EXOC5: variants seen among roughly 807,000 people sequenced by gnomAD.
EXOC5 encodes exocyst complex component 5.
Under a neutral mutation model 90.8 loss-of-function variants are expected in EXOC5, and 17 were observed. That is an observed-to-expected ratio of 0.19 (90% CI 0.13 to 0.28). The LOEUF (loss-of-function observed/expected upper bound fraction) is 0.28. EXOC5 is among the 10% of genes least tolerant of loss of function. EXOC5 has a pLI of 1.00. For synonymous variants in EXOC5, 260 were observed against 270.0 expected (o/e 0.96, Z 0.36); for missense variants, 569 against 830.6 (o/e 0.69, Z 3.87).
Position 57,237,330 on chromosome 14 carries a change from T to TCACTTA in EXOC5, c.559+2_559+7dup. The TCACTTA allele has an allele frequency of 1.4e-6, 2 of 1,417,502 alleles. No individual in the cohort carries two copies. Among genetic ancestry groups the TCACTTA allele is most frequent in the Non-Finnish European group, 1.9e-6 (2 of 1,027,474 alleles). 87.8% of individuals were successfully genotyped at this position (1,417,502 alleles called of 1,614,324 possible). A position where few individuals can be genotyped will look rare whatever the true frequency, so the allele number is the denominator to read the frequency against. On this transcript the variant is annotated splice_region_variant and intron_variant, in intron 6 of 17. Coordinates refer to ENST00000621441, the MANE Select transcript of EXOC5 (RefSeq NM_006544.4). Reference sequence around the variant, plus strand: ...TTAAAAAAAAGGTAAAATAAATACATCACTTACTTGCAATTTTGGATTTAA... The same window carrying TCACTTA: ...TTAAAAAAAAGGTAAAATAAATACATCACTTACACTTACTTGCAATTTTGGATTTAA...
At chr14:57,233,447 G>A (rs762009578) in intron 9 of EXOC5, among the ~76,000 whole-genome samples, 4 of 151,080 alleles carry the variant, frequency 2.6e-5, no homozygotes, top group Non-Finnish European at 4.4e-5. Flanking sequence ...GTGAAGGCAG[G>A]GACCAAAAAA....
chr14:57,236,862 C>T (rs544690189), intron 6 of EXOC5, among the ~76,000 whole-genome samples: 2 of 150,924 alleles, frequency 1.3e-5, no homozygotes. Flanking sequence ...AAGAACCAAA[C>T]TAATCATGTA....
rs138867006 is a variant in EXOC5, at chr14:57,206,193, G to A, written c.*2416C>T. The A allele has an allele frequency of 2.5e-4, 74 of 296,584 alleles. No individual in the cohort carries two copies. The East Asian group carries it at 6.0e-3, about 24-fold the overall frequency. The allele number at this position is 296,584 out of a possible 1,614,324, so 18.4% of individuals were successfully genotyped here. On this transcript the variant is annotated 3_prime_UTR_variant, in exon 18 of 18. Coordinates refer to ENST00000621441, the MANE Select transcript of EXOC5 (RefSeq NM_006544.4). ...AAAGACCGTACTTACGTAAATGTTG[G>A]TTAAAGTTACCAATTATACAAAGCT...
intron 1 of EXOC5, among the ~76,000 whole-genome samples, chr14:57,258,126 A>G (rs8021149): frequency 0.67 from 102,597 of 152,108 alleles, 36,555 homozygotes; most frequent in African/African-American, 0.92. Context: ...TGTCATTGTG[A>G]GAGACAGTGT....
chr14:57,251,789 A>T (rs528980990), intron 1 of EXOC5, among the ~76,000 whole-genome samples: 34 of 152,218 alleles, frequency 2.2e-4, no homozygotes, highest in Non-Finnish European at 4.4e-4. Flanking sequence ...CGAAAAGATC[A>T]ACAAAATTGA....
chr14:57,262,538 ATGTG>A (rs55879618), intron 1 of EXOC5, among the ~76,000 whole-genome samples: 22,477 of 143,700 alleles, frequency 0.16, 3,215 homozygotes, highest in African/African-American at 0.39. Flanking sequence ...GTAAATACAT[ATGTG>A]TGTGTGTGTG....
Position 57,202,473 on chromosome 14 carries a change from G to T in EXOC5, c.*6136C>A, listed in dbSNP as rs1263296110. 1 of 152,098 alleles carries T rather than the reference G, an allele frequency of 6.6e-6. No individual in the cohort carries two copies. Among genetic ancestry groups the T allele is most frequent in the African/African-American group, 2.4e-5 (1 of 41,412 alleles). 9.4% of individuals were successfully genotyped at this position (152,098 alleles called of 1,614,324 possible). On this transcript the variant is annotated 3_prime_UTR_variant, in exon 18 of 18. Coordinates refer to ENST00000621441, the MANE Select transcript of EXOC5 (RefSeq NM_006544.4). ...GAGGGTGGTGCAGCATCATGACAGC[G>T]ACTTATTCTCAAAAGGGAAAAATTT...
intron 1 of EXOC5, among the ~76,000 whole-genome samples, chr14:57,248,290 T>C (rs922490185): frequency 2.0e-5 from 3 of 151,926 alleles, no homozygotes; most frequent in South Asian, 2.1e-4. Flanking sequence ...GAAAAGCATA[T>C]ATGAATGCAA....
chr14:57,255,737 TAGG>T (rs111766878), intron 1 of EXOC5, among the ~76,000 whole-genome samples: 2 of 150,484 alleles, frequency 1.3e-5, no homozygotes, highest in Non-Finnish European at 2.9e-5. Context: ...GAAGCTGAGG[TAGG>T]AGAATTGCTT....
intron 5 of EXOC5, among the ~76,000 whole-genome samples, chr14:57,238,868 T>C (rs1883764216): frequency 6.6e-6 from 1 of 152,082 alleles, no homozygotes; most frequent in Non-Finnish European, 1.5e-5. Context: ...TCATTTATAA[T>C]ATATTAAATC....
chr14:57,242,851 C>T (rs1051342876), intron 4 of EXOC5, among the ~76,000 whole-genome samples: 1 of 152,122 alleles, frequency 6.6e-6, no homozygotes, highest in African/African-American at 2.4e-5. Flanking sequence ...AACCTAAGTG[C>T]CCATCAACCA....
rs145761911 is a variant in EXOC5 at position 57,225,667 on chromosome 14, C to G, written c.1297-3251G>C. Among the ~76,000 whole-genome samples the G allele has an allele frequency of 7.9e-5, 12 of 151,348 alleles. No homozygotes were observed. In the East Asian group the frequency reaches 2.3e-3, roughly 29 times the overall value. ...GGTCTGAACCCAAAAGTATCTGAGA[C>G]AAGTCTCAATCAATTTGGAAAGTTT... On this transcript the variant is annotated intron_variant, in intron 12 of 17. Coordinates refer to ENST00000621441, the MANE Select transcript of EXOC5 (RefSeq NM_006544.4).
rs531156508 is a variant in EXOC5, at chr14:57,255,725, G to A, written c.28-8013C>T. Among the ~76,000 whole-genome samples the A allele has an allele frequency of 1.2e-4, 19 of 152,100 alleles. No homozygotes were observed. The South Asian group carries it at 3.9e-3, about 32-fold the overall frequency. On this transcript the variant is annotated intron_variant, in intron 1 of 17. Transcript: ENST00000621441. ...TGGGCACCTGTAGTCCTAGCTACTCGGGAAGCTGAGGTAGGAGAATTGCTT... is the reference window on the plus strand; with the variant it reads ...TGGGCACCTGTAGTCCTAGCTACTCAGGAAGCTGAGGTAGGAGAATTGCTT...
chr14:57,238,184 T>G (rs1164125761), intron 5 of EXOC5, among the ~76,000 whole-genome samples: 2 of 148,636 alleles, frequency 1.3e-5, no homozygotes, highest in African/African-American at 4.9e-5. Flanking sequence ...GTGAAAAAAT[T>G]GAATCTATTT....
chr14:57,226,611 C>T (rs1164291632), intron 12 of EXOC5, among the ~76,000 whole-genome samples: 1 of 152,056 alleles, frequency 6.6e-6, no homozygotes, highest in East Asian at 1.9e-4. Flanking sequence ...TATAAAGTTA[C>T]AGCAATCAAG....
rs893060404 is a variant in EXOC5 at position 57,202,082 on chromosome 14, T to A, written c.*6527A>T. 1 of 151,990 alleles carries A rather than the reference T, an allele frequency of 6.6e-6. No individual in the cohort carries two copies. The highest frequency in any genetic ancestry group is 2.4e-5 in the African/African-American group (1 of 41,404). The allele number at this position is 151,990 out of a possible 1,614,324, so 9.4% of individuals were successfully genotyped here. A position where few individuals can be genotyped will look rare whatever the true frequency, so the allele number is the denominator to read the frequency against. On this transcript the variant is annotated 3_prime_UTR_variant, in exon 18 of 18. Transcript: ENST00000621441. The stretch of plus-strand genomic sequence containing the variant: ...TGTACTATGTGATAGGATGCAACAA[T>A]AACACAGAGTTGCATCCGTGGTATG...
chr14:57,236,184 C>CTA (rs1246463082), intron 6 of EXOC5, among the ~76,000 whole-genome samples: 1 of 151,976 alleles, frequency 6.6e-6, no homozygotes, highest in Non-Finnish European at 1.5e-5. Context: ...CTACAGAACT[C>CTA]TTTACTAGAG....
intron 12 of EXOC5, among the ~76,000 whole-genome samples, chr14:57,226,362 T>C (rs1210321514): frequency 6.6e-6 from 1 of 152,188 alleles, no homozygotes; most frequent in East Asian, 1.9e-4. Context: ...TGTATTTCTA[T>C]AGACTAAGTA....
intron 17 of EXOC5, 66 bp from the exon 18 acceptor site, chr14:57,208,863 T>TG: frequency 2.6e-6 from 3 of 1,136,002 alleles, no homozygotes. Context: ...AATTAGCTTG[T>TG]AACTTTTTAC....
Sources: allele counts gnomAD v4.1 joint callset (sites outside exome capture counted in the v4.1 genomes callset), GRCh38; gene constraint gnomAD v4.1.1; transcripts MANE v1.5; gene names NCBI Gene and HGNC (gene_info 2026-07-23, HGNC 2026-07-21).